RANBP2: variants seen among roughly 807,000 people sequenced by gnomAD.
The protein encoded by RANBP2 is E3 SUMO-protein ligase RanBP2.
RANBP2 carries 57 observed loss-of-function variants against 303.6 expected under a neutral mutation model. That is an observed-to-expected ratio of 0.19 (90% CI 0.15 to 0.23). RANBP2 has a LOEUF of 0.23. Among genes scored for constraint, RANBP2 ranks in the 10% least tolerant of loss-of-function variants. The pLI, the probability that RANBP2 is intolerant of heterozygous loss-of-function variation, is 1.00. For synonymous variants in RANBP2, 1,167 were observed against 1,301.5 expected (o/e 0.90, Z 2.23); for missense variants, 3,138 against 3,780.8 (o/e 0.83, Z 4.46).
the RANBP2 span, among the ~76,000 whole-genome samples, chr2:109,730,641 A>G: frequency 6.6e-6 from 1 of 152,152 alleles, no homozygotes; most frequent in African/African-American, 2.4e-5. Context: ...ACATTTCTAG[A>G]GGCTAGAAGT....
chr2:108,943,914 G>A, the RANBP2 span, among the ~76,000 whole-genome samples: 3 of 152,266 alleles, frequency 2.0e-5, no homozygotes, highest in South Asian at 2.1e-4. Context: ...CCTCAGTTAC[G>A]TTGCTTCCAA....
chr2:109,713,271 C>T, the RANBP2 span, among the ~76,000 whole-genome samples: 1 of 152,222 alleles, frequency 6.6e-6, no homozygotes, highest in African/African-American at 2.4e-5. Context: ...GTTCAGGGTT[C>T]TTCATCATTA....
the RANBP2 span, among the ~76,000 whole-genome samples, chr2:109,249,219 C>T: frequency 6.6e-6 from 1 of 152,216 alleles, no homozygotes; most frequent in Non-Finnish European, 1.5e-5. Context: ...AGCAACTCCC[C>T]CCCGACTCCT....
the RANBP2 span, among the ~76,000 whole-genome samples, chr2:109,681,706 C>A: frequency 6.6e-6 from 1 of 152,224 alleles, no homozygotes; most frequent in African/African-American, 2.4e-5. Flanking sequence ...CAATAGAGGT[C>A]ATCTGTGGGG....
the RANBP2 span, among the ~76,000 whole-genome samples, chr2:109,258,482 C>G: frequency 1.3e-5 from 2 of 152,190 alleles, no homozygotes; most frequent in Admixed American, 6.5e-5. Context: ...CCACACCTAC[C>G]AGGGCCAATC....
chr2:109,114,241 T>C, the RANBP2 span, among the ~76,000 whole-genome samples: 1 of 152,190 alleles, frequency 6.6e-6, no homozygotes, highest in South Asian at 2.1e-4. Context: ...TCTGATAGAA[T>C]TCGGTGAATC....
chr2:109,615,939 A>G, the RANBP2 span: 1 of 1,601,626 alleles, frequency 6.2e-7, no homozygotes. Context: ...GATCGTCCAC[A>G]CCACACCCTC....
the RANBP2 span, among the ~76,000 whole-genome samples, chr2:109,009,431 G>A: frequency 6.6e-6 from 1 of 151,910 alleles, no homozygotes; most frequent in Non-Finnish European, 1.5e-5. Context: ...AGAAAATTTG[G>A]CCAATATGGA....
chr2:108,719,749 T>A, intron 1 of RANBP2, 71 bp downstream of exon 1: 1 of 1,543,932 alleles, frequency 6.5e-7, no homozygotes, highest in South Asian at 1.2e-5. Context: ...TCAGGCGTCA[T>A]GGCTCCCGAC....
chr2:108,876,023 C>T, the RANBP2 span: 19 of 989,618 alleles, frequency 1.9e-5, no homozygotes, highest in Non-Finnish European at 2.7e-5. Flanking sequence ...AATTATCTGT[C>T]AGTGTCATTG....
At chr2:109,006,437 G>T in the RANBP2 span, among the ~76,000 whole-genome samples, 1 of 151,834 alleles carries the variant, frequency 6.6e-6, no homozygotes, top group Non-Finnish European at 1.5e-5. Context: ...CTCATGATCC[G>T]CCCGCCTCGG....
chr2:109,649,051 G>A, the RANBP2 span, among the ~76,000 whole-genome samples: 52,451 of 152,034 alleles, frequency 0.34, 9,655 homozygotes, highest in Middle Eastern at 0.47. Flanking sequence ...ACCAGTTGAC[G>A]GCCTGGTGCT....
rs71381992 is a variant in RANBP2 at position 108,783,333 on chromosome 2, TAAAAAAAAAAAAA to T, written c.9370-246_9370-234del. Among the ~76,000 whole-genome samples, 159 of 41,428 alleles carry T rather than the reference TAAAAAAAAAAAAA, an allele frequency of 3.8e-3. 1 individual carries two copies. Among genetic ancestry groups the T allele is most frequent in the African/African-American group, 0.016 (151 of 9,294 alleles). 27.2% of individuals were successfully genotyped at this position (41,428 alleles called of 152,430 possible). A position where few individuals can be genotyped will look rare whatever the true frequency, so the allele number is the denominator to read the frequency against. ...GCGACAGAGTGAGACAGCCTGTCAT[TAAAAAAAAAAAAA>T]AAAAAAAAAAAAAAAATCAAATTTT... On this transcript the variant is annotated intron_variant, in intron 28 of 28. Transcript: ENST00000283195.
chr2:109,282,853 G>A, the RANBP2 span, among the ~76,000 whole-genome samples: 1 of 152,182 alleles, frequency 6.6e-6, no homozygotes, highest in Non-Finnish European at 1.5e-5. Context: ...TGGTCCTCCT[G>A]TGAGGAGAGG....
the RANBP2 span, among the ~76,000 whole-genome samples, chr2:109,369,959 G>C: frequency 3.3e-5 from 5 of 152,218 alleles, no homozygotes; most frequent in Admixed American, 3.3e-4. Context: ...GCTCTGAGGG[G>C]CTTCTCCATG....
At chr2:109,006,276 C>G in the RANBP2 span, among the ~76,000 whole-genome samples, 1 of 152,090 alleles carries the variant, frequency 6.6e-6, no homozygotes, top group Non-Finnish European at 1.5e-5. Context: ...TCGCTGCAAC[C>G]TCCGCCTCCT....
At chr2:109,006,505 A>G in the RANBP2 span, among the ~76,000 whole-genome samples, 2 of 152,172 alleles carry the variant, frequency 1.3e-5, no homozygotes, top group Non-Finnish European at 2.9e-5. Context: ...ATTTGGGGGT[A>G]ATTTTCTTAA....
chr2:109,709,608 G>C, the RANBP2 span, among the ~76,000 whole-genome samples: 1 of 152,336 alleles, frequency 6.6e-6, no homozygotes, highest in African/African-American at 2.4e-5. Flanking sequence ...TTGTAGGGTT[G>C]TAAAGATGAA....
At chr2:109,357,859 A>G in the RANBP2 span, among the ~76,000 whole-genome samples, 1 of 152,246 alleles carries the variant, frequency 6.6e-6, no homozygotes, top group South Asian at 2.1e-4. Context: ...AGCCTCCTGC[A>G]TTGTCAACAT....
Sources: allele counts gnomAD v4.1 joint callset (sites outside exome capture counted in the v4.1 genomes callset), GRCh38; gene constraint gnomAD v4.1.1; transcripts MANE v1.5; gene names NCBI Gene and HGNC (gene_info 2026-07-23, HGNC 2026-07-21).